RNF130: variants seen among roughly 807,000 people sequenced by gnomAD.
RNF130 encodes ring finger protein 130, also known as E3 ubiquitin-protein ligase RNF130.
A neutral mutation model predicts 44.6 loss-of-function variants in RNF130; 21 were observed. The ratio of observed to expected loss-of-function variants is 0.47; its 90% CI spans 0.33 to 0.68. The LOEUF (loss-of-function observed/expected upper bound fraction) is 0.68. Among genes scored for constraint, RNF130 ranks in the 30% least tolerant of loss-of-function variants. RNF130 has a pLI of 0.02. For synonymous variants in RNF130, 214 were observed against 210.4 expected (o/e 1.02, Z -0.15); for missense variants, 479 against 560.6 (o/e 0.85, Z 1.47).
exon 8 of RNF130, chr5:179,915,313 A>C (rs1761527331): frequency 6.6e-6 from 1 of 152,376 alleles, no homozygotes; most frequent in Non-Finnish European, 1.5e-5. Context: ...TGGGCGACAG[A>C]GTGACACCCT....
intron 3 of RNF130, among the ~76,000 whole-genome samples, chr5:179,996,923 G>A (rs918203107): frequency 6.6e-6 from 1 of 152,188 alleles, no homozygotes; most frequent in South Asian, 2.1e-4. Flanking sequence ...GCAGAATTCT[G>A]CAGTGAAGGA....
At chr5:180,018,294 CAA>C (rs59354197) in intron 2 of RNF130, among the ~76,000 whole-genome samples, 123 of 127,048 alleles carry the variant, frequency 9.7e-4, no homozygotes, top group Admixed American at 1.5e-3. Flanking sequence ...GACTCCATCT[CAA>C]AAAAAAAAAA....
chr5:180,011,831 A>G (rs1763602615), intron 3 of RNF130, among the ~76,000 whole-genome samples: 1 of 152,182 alleles, frequency 6.6e-6, no homozygotes, highest in African/African-American at 2.4e-5. Flanking sequence ...ACAGTAAAAC[A>G]TTAACAGCTG....
intron 2 of RNF130, among the ~76,000 whole-genome samples, chr5:180,034,668 G>T (rs889803880): frequency 3.3e-5 from 5 of 152,088 alleles, no homozygotes; most frequent in Non-Finnish European, 7.3e-5. Context: ...CCGTCGAAAG[G>T]CCTGCTTACA....
At chr5:179,987,318 C>T (rs1762977736) in intron 3 of RNF130, among the ~76,000 whole-genome samples, 1 of 152,300 alleles carries the variant, frequency 6.6e-6, no homozygotes, top group East Asian at 1.9e-4. Context: ...TAGGCACACA[C>T]CACCACACCT....
At chr5:179,997,448 C>G (rs557187832) in intron 3 of RNF130, among the ~76,000 whole-genome samples, 1 of 152,116 alleles carries the variant, frequency 6.6e-6, no homozygotes, top group African/African-American at 2.4e-5. Context: ...CTCAGCCTCC[C>G]GAGTAGCTGG....
At chr5:179,921,928 G>A (rs1045798208) in intron 7 of RNF130, among the ~76,000 whole-genome samples, 5 of 151,880 alleles carry the variant, frequency 3.3e-5, no homozygotes, top group Non-Finnish European at 5.9e-5. Context: ...GGCTGAGGCA[G>A]GAGAATCACT....
rs1417307345 is a variant in RNF130, at chr5:180,007,987, A to AGT, written c.693+5072_693+5073dup. The stretch of plus-strand genomic sequence containing the variant: ...AACATATTTTAAAAACAAATCTTTT[A>AGT]GTTTTTTTTTTTTTTTTTTTTAACA... On this transcript the variant is annotated intron_variant, in intron 3 of 8. Coordinates refer to ENST00000521389, the MANE Select transcript of RNF130 (RefSeq NM_018434.6). 1.0e-4 allele frequency among the ~76,000 whole-genome samples: 9 copies of AGT among 87,922 alleles called. No homozygotes were observed. The Admixed American group carries it at 1.1e-3, about 11-fold the overall frequency. The allele number at this position is 87,922 out of a possible 152,430, so 57.7% of individuals were successfully genotyped here.
At chr5:180,051,226 T>C (rs1430363446) in intron 1 of RNF130, among the ~76,000 whole-genome samples, 1 of 144,990 alleles carries the variant, frequency 6.9e-6, no homozygotes, top group East Asian at 2.1e-4. Context: ...ATCACCTTTT[T>C]GTATAGATAT....
At chr5:179,922,549 G>A in intron 7 of RNF130, among the ~76,000 whole-genome samples, 1 of 151,772 alleles carries the variant, frequency 6.6e-6, no homozygotes. Context: ...CTGAGCTCAA[G>A]CGATCTGCAT....
In RNF130 at chr5:179,931,787, C is replaced by CA. The variant is rs1326840176; in HGVS notation, c.1151-11362dup. On this transcript the variant is annotated intron_variant, in intron 7 of 7. Coordinates refer to the RNF130 transcript ENST00000522208. ...CAGACTCTGTCTTAAAACAAACAAACAACAAAACTACAGTACAAAGACTTT... is the reference window on the plus strand; with the variant it reads ...CAGACTCTGTCTTAAAACAAACAAACAAACAAAACTACAGTACAAAGACTTT... Among the ~76,000 whole-genome samples the CA allele has an allele frequency of 7.3e-5, 11 of 150,374 alleles. No individual in the cohort carries two copies. The South Asian group carries it at 2.3e-3, about 32-fold the overall frequency.
rs146994921 is a variant in RNF130 at position 180,037,728 on chromosome 5, G to T, written c.442+2725C>A. Among the ~76,000 whole-genome samples, 52 of 152,324 alleles carry T rather than the reference G, an allele frequency of 3.4e-4. No homozygotes were observed. In the East Asian group the frequency reaches 7.7e-3, roughly 23 times the overall value. ...AGTATGTATCTGGAGTGAAATTAATGATCGCAGTGTGCAGATTCTTTTAAC... is the reference window on the plus strand; with the variant it reads ...AGTATGTATCTGGAGTGAAATTAATTATCGCAGTGTGCAGATTCTTTTAAC... On this transcript the variant is annotated intron_variant, in intron 2 of 8. Coordinates refer to ENST00000521389, the MANE Select transcript of RNF130 (RefSeq NM_018434.6).
chr5:180,067,039 TAAAA>T (rs1765124560), intron 1 of RNF130, among the ~76,000 whole-genome samples: 1 of 151,854 alleles, frequency 6.6e-6, no homozygotes, highest in Admixed American at 6.6e-5. Context: ...TAAAATAAAA[TAAAA>T]GACATGTCTT....
chr5:179,951,550 A>G (rs181486331), downstream of RNF130, among the ~76,000 whole-genome samples: 2,722 of 152,116 alleles, frequency 0.018, 95 homozygotes, highest in African/African-American at 0.061. Context: ...CGCCCGGCTA[A>G]TTTTTTGTAT....
intron 1 of RNF130, among the ~76,000 whole-genome samples, chr5:180,061,213 C>T (rs1386237008): frequency 6.6e-6 from 1 of 152,032 alleles, no homozygotes; most frequent in South Asian, 2.1e-4. Context: ...GGCTTAGGAG[C>T]AGCCTCGGTG....
rs183659480 is a variant in RNF130 at position 179,925,317 on chromosome 5, G to A, written c.1151-4891C>T. Reference sequence around the variant, plus strand: ...TAATCAGTCATGCCCACGTAATGAAGCCTCCATAAAAACCCAAAAGATTGG... The same window carrying A: ...TAATCAGTCATGCCCACGTAATGAAACCTCCATAAAAACCCAAAAGATTGG... On this transcript the variant is annotated intron_variant, in intron 7 of 7. Transcript: ENST00000522208. 1.1e-4 allele frequency among the ~76,000 whole-genome samples: 16 copies of A among 152,248 alleles called. No homozygotes were observed. The East Asian group carries it at 2.5e-3, about 24-fold the overall frequency.
chr5:179,933,527 CTT>C (rs765853991), intron 7 of RNF130, among the ~76,000 whole-genome samples: 4 of 142,410 alleles, frequency 2.8e-5, no homozygotes, highest in African/African-American at 7.7e-5. Context: ...TAATTTAAAA[CTT>C]TTTTTTTTTT....
chr5:179,924,784 C>T (rs1161533639), intron 7 of RNF130, among the ~76,000 whole-genome samples: 5 of 151,792 alleles, frequency 3.3e-5, no homozygotes, highest in South Asian at 2.1e-4. Flanking sequence ...GTGAGGCTAT[C>T]TCAAAAAAAA....
At chr5:180,025,570 C>T (rs975517000) in intron 2 of RNF130, among the ~76,000 whole-genome samples, 4 of 151,850 alleles carry the variant, frequency 2.6e-5, no homozygotes, top group African/African-American at 9.7e-5. Context: ...TTATTAAAGG[C>T]TATTTTTATT....
Sources: gnomAD v4.1 joint callset for allele counts (sites outside exome capture counted in the v4.1 genomes callset) on GRCh38, gnomAD v4.1.1 for gene constraint, MANE v1.5 for transcripts, NCBI Gene and HGNC (gene_info 2026-07-23, HGNC 2026-07-21) for gene names.